Variants in DMD observed in about 807,000 individuals in gnomAD.
DMD encodes the protein dystrophin.
DMD carries 63 observed loss-of-function variants against 330.1 expected under a neutral mutation model. The ratio of observed to expected loss-of-function variants is 0.19; its 90% CI spans 0.16 to 0.24. The LOEUF is 0.24. DMD is among the 10% of genes least tolerant of loss of function. The pLI, the probability that DMD is intolerant of heterozygous loss-of-function variation, is 1.00. For synonymous variants in DMD, 1,223 were observed against 959.8 expected (o/e 1.27, Z -5.07); for missense variants, 3,344 against 2,684.1 (o/e 1.25, Z -5.43).
At chrX:32,071,104 G>T (rs1477576737) in intron 44 of DMD, among the ~76,000 whole-genome samples, 1 of 111,046 alleles carries the variant, frequency 9.0e-6, no homozygotes, top group Non-Finnish European at 1.9e-5. Flanking sequence ...TTGCTATTGT[G>T]AATAGTGCCG....
intron 13 of DMD, among the ~76,000 whole-genome samples, chrX:32,588,187 T>A (rs1242634901): frequency 1.2e-4 from 13 of 112,275 alleles, no homozygotes; most frequent in African/African-American, 3.9e-4. Context: ...GTAAGACACA[T>A]CTCATGTAAT....
intron 44 of DMD, among the ~76,000 whole-genome samples, chrX:31,990,047 G>A (rs190292764): frequency 1.8e-5 from 2 of 111,301 alleles, no homozygotes; most frequent in Admixed American, 1.9e-4. Context: ...CTGTACAAAG[G>A]GTTTCTTTAC....
intron 1 of DMD, among the ~76,000 whole-genome samples, chrX:33,206,564 TA>T (rs2148847342): frequency 8.9e-6 from 1 of 111,765 alleles, no homozygotes; most frequent in East Asian, 2.8e-4. Flanking sequence ...TCCAGACTAC[TA>T]AGAACATTGG....
chrX:33,057,980 G>T (rs111546415), intron 1 of DMD, among the ~76,000 whole-genome samples: 2,028 of 111,541 alleles, frequency 0.018, 44 homozygotes, highest in African/African-American at 0.062. Flanking sequence ...CTGGGTTCAA[G>T]CGATTCTCCT....
At chrX:32,528,287 C>A (rs2047112195) in intron 17 of DMD, among the ~76,000 whole-genome samples, 1 of 109,417 alleles carries the variant, frequency 9.1e-6, no homozygotes, top group South Asian at 4.0e-4. Context: ...CCAGCCTGGG[C>A]AACAGAACGA....
At chrX:32,497,692 A>G (rs1433334383) in intron 19 of DMD, among the ~76,000 whole-genome samples, 1 of 111,844 alleles carries the variant, frequency 8.9e-6, no homozygotes, top group African/African-American at 3.2e-5. Flanking sequence ...TACTCATGCG[A>G]GAACACTGTT....
At chrX:32,776,038 C>T (rs2074107534) in intron 7 of DMD, among the ~76,000 whole-genome samples, 1 of 111,640 alleles carries the variant, frequency 9.0e-6, no homozygotes, top group Non-Finnish European at 1.9e-5. Context: ...GCCAGATACC[C>T]TAAATCATCT....
chrX:32,812,106 C>A (rs1423674600), intron 6 of DMD, among the ~76,000 whole-genome samples: 2 of 110,863 alleles, frequency 1.8e-5, no homozygotes, highest in East Asian at 2.8e-4. Context: ...GGTTCTTCAC[C>A]TATTCTGAAT....
chrX:33,108,348 C>A (rs2095309097), intron 1 of DMD, among the ~76,000 whole-genome samples: 1 of 110,828 alleles, frequency 9.0e-6, no homozygotes, highest in South Asian at 3.9e-4. Context: ...CTCACTGTAA[C>A]CTCTGCCTCT....
intron 55 of DMD, among the ~76,000 whole-genome samples, chrX:31,596,527 G>T (rs1020004918): frequency 9.0e-6 from 1 of 111,664 alleles, no homozygotes; most frequent in Non-Finnish European, 1.9e-5. Flanking sequence ...GAAGTCCAGA[G>T]ATTTCAACTC....
chrX:32,087,604 C>T (rs2096448657), intron 44 of DMD, among the ~76,000 whole-genome samples: 2 of 111,988 alleles, frequency 1.8e-5, no homozygotes, highest in South Asian at 3.7e-4. Flanking sequence ...GTCAATCAGA[C>T]CTGGAATTCT....
intron 1 of DMD, among the ~76,000 whole-genome samples, chrX:33,288,613 G>A (rs1028661919): frequency 2.7e-5 from 3 of 110,623 alleles, no homozygotes; most frequent in South Asian, 7.7e-4. Context: ...CAGGTGTCCC[G>A]TCAAACTTTC....
At chrX:32,622,302 A>G (rs2058050597) in intron 11 of DMD, among the ~76,000 whole-genome samples, 1 of 111,564 alleles carries the variant, frequency 9.0e-6, no homozygotes, top group Admixed American at 9.6e-5. Context: ...TGGAGGTGTG[A>G]TACTAATAAG....
In DMD at chrX:32,255,425, T is replaced by C. The variant is rs59316488; in HGVS notation, c.6290+32104A>G. Among the ~76,000 whole-genome samples the C allele has an allele frequency of 7.2e-3, 456 of 63,651 alleles. 2 individuals are homozygous for C. The highest frequency in any genetic ancestry group is 0.03 in the African/African-American group (417 of 13,883). 55.3% of individuals were successfully genotyped at this position (63,651 alleles called of 115,157 possible). A position where few individuals can be genotyped will look rare whatever the true frequency, so the allele number is the denominator to read the frequency against. On this transcript the variant is annotated intron_variant, in intron 43 of 78. Coordinates refer to ENST00000357033, the MANE Select transcript of DMD (RefSeq NM_004006.3). ...CACTCATTCATTTACATATTGTCTA[T>C]GGTTGCTTTTGCAAAAAAAAAAAAA...
chrX:31,128,882 A>G (rs1203551379), intron 77 of DMD, among the ~76,000 whole-genome samples: 1 of 112,533 alleles, frequency 8.9e-6, no homozygotes, highest in East Asian at 2.8e-4. Context: ...TAAAAGGACT[A>G]GTTCTACGCT....
chrX:32,035,619 A>T, intron 44 of DMD: 1 of 268,200 alleles, frequency 3.7e-6, no homozygotes, highest in South Asian at 3.9e-5. Flanking sequence ...CTCCTCTACT[A>T]GAGTGTTAGA....
intron 63 of DMD, among the ~76,000 whole-genome samples, chrX:31,243,721 T>A (rs2048573036): frequency 8.9e-6 from 1 of 112,616 alleles, no homozygotes; most frequent in Admixed American, 9.4e-5. Flanking sequence ...GTATTATGAG[T>A]GTAAATGGCT....
chrX:31,413,998 T>A (rs759364568), intron 60 of DMD, among the ~76,000 whole-genome samples: 1 of 111,330 alleles, frequency 9.0e-6, no homozygotes, highest in Non-Finnish European at 1.9e-5. Flanking sequence ...AGATTTATAG[T>A]TTTCTTTATT....
At position 32,812,756 on chromosome X, in the gene DMD, CT is replaced by C. The variant is rs759933173; in HGVS notation, c.531-3146del. ...AATCCCTCCATATTTTCCAATACCC[CT>C]AACAGCTAACAAGCTTATGGAAACT... On this transcript the variant is annotated intron_variant, in intron 6 of 78. Transcript: ENST00000357033. Among the ~76,000 whole-genome samples, 26 of 112,215 alleles carry C rather than the reference CT, an allele frequency of 2.3e-4. No individual in the cohort carries two copies. In the East Asian group the frequency reaches 6.4e-3, roughly 28 times the overall value.
Sources: allele counts gnomAD v4.1 joint callset (sites outside exome capture counted in the v4.1 genomes callset), GRCh38; gene constraint gnomAD v4.1.1; transcripts MANE v1.5; gene names NCBI Gene and HGNC (gene_info 2026-07-23, HGNC 2026-07-21).